The following DST variants were observed in gnomAD, a reference collection of about 807,000 sequenced individuals.
DST encodes bullous pemphigoid antigen.
A neutral mutation model predicts 875.2 loss-of-function variants in DST; 253 were observed. That is an observed-to-expected ratio of 0.29 (90% CI 0.26 to 0.32). The LOEUF (loss-of-function observed/expected upper bound fraction) is 0.32, where lower values mean the gene tolerates loss of function less well. Ranked by LOEUF, DST falls within the 10% of genes least tolerant of loss-of-function variation. The probability of loss-of-function intolerance (pLI) is 1.00; values close to 1 mark genes in which losing one functional copy is unlikely to be tolerated. For synonymous variants in DST, 3,124 were observed against 3,197.1 expected, an observed-to-expected ratio of 0.98 and a Z score of 0.77; for missense variants, 8,287 against 9,111.6, an observed-to-expected ratio of 0.91 and a Z score of 3.68.
intron 2 of DST, among the ~76,000 whole-genome samples, chr6:56,924,737 C>T (rs1458988847): frequency 6.6e-6 from 1 of 151,974 alleles, no homozygotes; most frequent in Non-Finnish European, 1.5e-5. Flanking sequence ...ACATATATGT[C>T]ACTTATTTTA....
At position 56,879,906 on chromosome 6, in the gene DST, T is replaced by C. The variant is rs181293625; in HGVS notation, c.417+20515A>G. On this transcript the variant is annotated intron_variant, in intron 3 of 103. Transcript: ENST00000680361. ...CTTAGCCCCTCCATGATAGTGCTTATGTTTGCTAAAAGGTTTAAGTCATAG... is the reference window on the plus strand; with the variant it reads ...CTTAGCCCCTCCATGATAGTGCTTACGTTTGCTAAAAGGTTTAAGTCATAG... Among the ~76,000 whole-genome samples the C allele has an allele frequency of 2.8e-3, 421 of 152,386 alleles. 1 individual carries two copies. Among genetic ancestry groups the C allele is most frequent in the Admixed American group, 3.6e-3 (55 of 15,306 alleles).
chr6:56,951,228 T>C (rs925137182), intron 2 of DST, among the ~76,000 whole-genome samples: 7 of 152,210 alleles, frequency 4.6e-5, no homozygotes, highest in African/African-American at 1.7e-4. Context: ...AGCTTTTTCA[T>C]GGTTCAAAGT....
chr6:56,889,468 G>T (rs1269937313), intron 3 of DST, among the ~76,000 whole-genome samples: 1 of 152,168 alleles, frequency 6.6e-6, no homozygotes, highest in Non-Finnish European at 1.5e-5. Flanking sequence ...CCAAAAGTAA[G>T]AAAACAGGTG....
intron 9 of DST, among the ~76,000 whole-genome samples, chr6:56,690,952 C>G (rs1563701029): frequency 6.6e-6 from 1 of 152,108 alleles, no homozygotes; most frequent in Non-Finnish European, 1.5e-5. Context: ...GATGTCAAAC[C>G]CTTCAGATAA....
chr6:56,930,253 T>C (rs1809465769), intron 2 of DST, among the ~76,000 whole-genome samples: 1 of 152,230 alleles, frequency 6.6e-6, no homozygotes, highest in Non-Finnish European at 1.5e-5. Flanking sequence ...CTAAAGTAGT[T>C]GCAGCAAAGC....
intron 4 of DST, among the ~76,000 whole-genome samples, chr6:56,745,190 T>TCC (rs1304012697): frequency 9.2e-5 from 14 of 152,180 alleles, no homozygotes; most frequent in South Asian, 2.1e-4. Context: ...ACTCCATAGG[T>TCC]GAAAGTATAC....
intron 2 of DST, among the ~76,000 whole-genome samples, chr6:56,909,898 C>T (rs1798107099): frequency 6.6e-6 from 1 of 152,120 alleles, no homozygotes; most frequent in Admixed American, 6.5e-5. Flanking sequence ...AGCAATTTAA[C>T]TGTTTGTTGT....
chr6:56,784,393 G>A (rs557212827), intron 4 of DST, among the ~76,000 whole-genome samples: 1 of 152,262 alleles, frequency 6.6e-6, no homozygotes, highest in South Asian at 2.1e-4. Flanking sequence ...TTTTCACATA[G>A]TCCCATATTT....
intron 1 of DST, 101 bp downstream of exon 1, chr6:56,954,306 G>T (rs1824093958): frequency 2.2e-6 from 2 of 919,396 alleles, no homozygotes; most frequent in Non-Finnish European, 3.0e-6. Flanking sequence ...CAATGATGGG[G>T]CTAGGGGCAG....
In DST at chr6:56,635,603, C is replaced by G. The variant is rs2098817224; in HGVS notation, c.3172G>C (p.Val1058Leu). 6.2e-7 allele frequency: 1 copy of G among 1,613,968 alleles called. No homozygotes were observed. Among genetic ancestry groups the G allele is most frequent in the Non-Finnish European group, 8.5e-7 (1 of 1,179,916 alleles). The change falls in exon 24 of 104, where the codon GTT becomes CTT. Residue 1058 changes from valine to leucine, a missense_variant. Physicochemically the swap from Val to Leu is conservative, Grantham distance 32. Transcript: ENST00000680361. ...TGTATTAGTACCATTGATTCCTGAA[C>G]AAGGTCTTCTAGCTTGTGAATGCTG... ...SSSIHKLEDL[V>L]QESMEEKEEL...
chr6:56,872,369 T>G (rs1777599910), intron 3 of DST, among the ~76,000 whole-genome samples: 1 of 152,134 alleles, frequency 6.6e-6, no homozygotes, highest in Non-Finnish European at 1.5e-5. Flanking sequence ...AAATTAAAAT[T>G]TTTTAAGCTA....
At chr6:56,558,052 G>T (rs1472509737) in intron 58 of DST, among the ~76,000 whole-genome samples, 2 of 151,990 alleles carry the variant, frequency 1.3e-5, no homozygotes, top group Non-Finnish European at 2.9e-5. Context: ...CTCAAAACTG[G>T]TGGACTTTTA....
Position 56,604,792 on chromosome 6 carries a change from T to G in DST, c.9836A>C (p.His3279Pro). Residue 3279 changes from histidine to proline, a missense_variant, in exon 40 of 104, where the codon CAT becomes CCT. His to Pro is a moderately conservative substitution (Grantham distance 77). This residue lies in a region of DST where 3,138 missense variants were observed against 3,116.6 expected (regional missense o/e 1.01). Coordinates refer to ENST00000680361, the MANE Select transcript of DST (RefSeq NM_001374736.1). ...EATLSILSRKHVEDVGKNDFL... is the reference protein window; with the variant it reads ...EATLSILSRKPVEDVGKNDFL... ...ATCATTTTTCCCAACATCTTCTACA[T>G]GTTTACGAGATAATATTGAAAGTGT... 1 of 1,612,918 alleles carries G rather than the reference T, an allele frequency of 6.2e-7. No individual in the cohort carries two copies.
In DST at chr6:56,466,138, G is replaced by A. The variant is rs527354100; in HGVS notation, c.22627C>T (p.Arg7543Cys). The stretch of plus-strand genomic sequence containing the variant: ...AGTGCCATCCATCCACCTCCAACAC[G>A]AACCATCACAGTACTCCGCAGGATC... The part of the protein sequence containing the change: ...VRILRSTVMV[R>C]VGGGWMALDE... The change falls in exon 99 of 104, where the codon CGT (arginine) becomes TGT (cysteine). Residue 7543 changes from arginine to cysteine, a missense_variant. Arg to Cys is a radical substitution (Grantham distance 180, BLOSUM62 -3). Coordinates refer to ENST00000680361, the MANE Select transcript of DST (RefSeq NM_001374736.1). 6.2e-7 allele frequency: 1 copy of A among 1,613,100 alleles called. No individual in the cohort carries two copies. Among genetic ancestry groups the A allele is most frequent in the Non-Finnish European group, 8.5e-7 (1 of 1,179,574 alleles).
intron 86 of DST, 77 bp from the exon 87 acceptor site, chr6:56,487,350 C>A (rs190927998): frequency 2.4e-6 from 3 of 1,263,708 alleles, no homozygotes; most frequent in African/African-American, 3.0e-5. Flanking sequence ...ACAGAGGCAT[C>A]CCTAATAAAT....
At chr6:56,853,319 G>A (rs1766214039) in intron 3 of DST, among the ~76,000 whole-genome samples, 1 of 152,124 alleles carries the variant, frequency 6.6e-6, no homozygotes, top group African/African-American at 2.4e-5. Context: ...AGTTGTGAGT[G>A]GCATTAGGTC....
At chr6:56,583,220 A>G (rs900481572) in intron 49 of DST, among the ~76,000 whole-genome samples, 4 of 152,166 alleles carry the variant, frequency 2.6e-5, no homozygotes, top group Non-Finnish European at 4.4e-5. Flanking sequence ...CAACAGTGTA[A>G]AAGTGTTCCT....
chr6:56,544,068 T>TTC (rs2097183227), intron 61 of DST, among the ~76,000 whole-genome samples: 1 of 152,144 alleles, frequency 6.6e-6, no homozygotes, highest in East Asian at 1.9e-4. Context: ...AGACGTGAAA[T>TTC]ATTTCAACAA....
intron 10 of DST, among the ~76,000 whole-genome samples, chr6:56,655,466 A>AT (rs1226580368): frequency 2.6e-5 from 4 of 152,126 alleles, no homozygotes; most frequent in South Asian, 2.1e-4. Flanking sequence ...CCAAATCGGG[A>AT]TTTTTTTAAG....
Sources: gnomAD v4.1 joint callset for allele counts (sites outside exome capture counted in the v4.1 genomes callset) on GRCh38, gnomAD v4.1.1 for gene constraint, gnomAD v4.1.1 regional missense constraint, MANE v1.5 for transcripts, NCBI Gene and HGNC (gene_info 2026-07-23, HGNC 2026-07-21) for gene names.